The following FRMD1 variants were observed in gnomAD, a reference collection of about 807,000 sequenced individuals.
FRMD1 encodes the protein FERM domain containing 1, also known as FERM domain-containing protein 1.
In FRMD1, 51 loss-of-function variants were observed where a neutral mutation model predicts 54.9. The ratio of observed to expected loss-of-function variants is 0.93; its 90% CI spans 0.74 to 1.17. The LOEUF (loss-of-function observed/expected upper bound fraction) is 1.17, where lower values mean the gene tolerates loss of function less well. FRMD1 is among the 50% of genes most tolerant of loss of function. The pLI, the probability that FRMD1 is intolerant of heterozygous loss-of-function variation, is 0.00. For synonymous variants in FRMD1, 324 were observed against 306.4 expected, an observed-to-expected ratio of 1.06 and a Z score of -0.60; for missense variants, 729 against 743.0, an observed-to-expected ratio of 0.98 and a Z score of 0.22.
chr6:168,065,367 G>C, intron 4 of FRMD1: 1 of 1,152,338 alleles, frequency 8.7e-7, no homozygotes, highest in Non-Finnish European at 1.1e-6. Flanking sequence ...GTGCAGGAGA[G>C]GTGCACAGAG....
chr6:168,068,204 G>T (rs1391160746), intron 2 of FRMD1, among the ~76,000 whole-genome samples: 1 of 152,142 alleles, frequency 6.6e-6, no homozygotes, highest in Non-Finnish European at 1.5e-5. Flanking sequence ...AGCTTTACCT[G>T]TTAACCTGGT....
intron 3 of FRMD1, 45 bp downstream of exon 3, chr6:168,067,322 C>G: frequency 7.8e-7 from 1 of 1,279,984 alleles, no homozygotes; most frequent in Non-Finnish European, 1.1e-6. Context: ...CCCAGCACAG[C>G]CCACCGCGGT....
chr6:168,081,454 A>G, upstream of FRMD1: 1 of 1,535,286 alleles, frequency 6.5e-7, no homozygotes, highest in Non-Finnish European at 8.7e-7. Flanking sequence ...GAGGAAGAGG[A>G]GACCACCGCC....
chr6:168,059,300 G>A lies in FRMD1; in HGVS notation c.1343-112C>T, dbSNP rs1379534972. 8.2e-6 allele frequency: 7 copies of A among 852,920 alleles called. No individual in the cohort carries two copies. The East Asian group carries it at 1.9e-4, about 23-fold the overall frequency. The allele number at this position is 852,920 out of a possible 1,614,324, so 52.8% of individuals were successfully genotyped here. On this transcript the variant is annotated intron_variant, in intron 9 of 10. Transcript: ENST00000283309. This position sits in a 1 kb window ranked among gnomAD's most constrained non-coding sequence, Gnocchi z 4.4. ...CCCTGGTCTCGGACCGGCATCTCCT[G>A]AGGCTCACACCGCCCCCTTGCTCTC... is the stretch of plus-strand genomic sequence containing the variant.
upstream of FRMD1, chr6:168,081,976 C>T (rs1408763324): frequency 1.3e-5 from 2 of 155,610 alleles, no homozygotes; most frequent in Non-Finnish European, 2.8e-5. Context: ...AAAAAGCCTT[C>T]AAGATACGGC....
At chr6:168,074,653 A>G (rs1177821807) in intron 2 of FRMD1, among the ~76,000 whole-genome samples, 7 of 93,510 alleles carry the variant, frequency 7.5e-5, no homozygotes, top group East Asian at 3.5e-4. Context: ...GTGTGTGTGC[A>G]TGTGTGTGGT....
intron 4 of FRMD1, chr6:168,066,314 C>T: frequency 1.6e-6 from 1 of 630,218 alleles, no homozygotes; most frequent in African/African-American, 2.0e-5. Context: ...GCTTGACCAA[C>T]ACAGAGAAAC....
upstream of FRMD1, chr6:168,081,668 G>C (rs1344846177): frequency 3.1e-6 from 2 of 644,262 alleles, no homozygotes; most frequent in Non-Finnish European, 4.9e-6. Context: ...AAGGAAGGCA[G>C]AACTGACACA....
intron 1 of FRMD1, among the ~76,000 whole-genome samples, chr6:168,077,638 G>C (rs1161934047): frequency 6.6e-6 from 1 of 152,254 alleles, no homozygotes; most frequent in Non-Finnish European, 1.5e-5. Context: ...GCACTTCAGG[G>C]AGCTCCGTCA....
intron 1 of FRMD1, among the ~76,000 whole-genome samples, chr6:168,090,231 G>T (rs115478531): frequency 4.0e-5 from 6 of 151,838 alleles, no homozygotes; most frequent in Non-Finnish European, 8.8e-5. Flanking sequence ...TGCCCCCCAC[G>T]CTCTCAGCCC....
At chr6:168,069,423 C>T (rs772046964) in intron 2 of FRMD1, among the ~76,000 whole-genome samples, 10 of 152,322 alleles carry the variant, frequency 6.6e-5, no homozygotes, top group East Asian at 3.9e-4. Context: ...AAGCAAATGC[C>T]GAGTGAAAAG....
rs757522819 is a variant in FRMD1 at position 168,054,239 on chromosome 6, G to C, written c.*2858C>G. On this transcript the variant is annotated 3_prime_UTR_variant, in exon 11 of 11. Coordinates refer to ENST00000283309, the MANE Select transcript of FRMD1 (RefSeq NM_024919.6). ...CGAGACCCACAGAAGCAGACGCAGTGGGGGGCTGAGAAACCCAGCCTGAAC... is the reference window on the plus strand; with the variant it reads ...CGAGACCCACAGAAGCAGACGCAGTCGGGGGCTGAGAAACCCAGCCTGAAC... 2.0e-5 allele frequency: 3 copies of C among 152,224 alleles called. No individual in the cohort carries two copies. Among genetic ancestry groups the C allele is most frequent in the Non-Finnish European group, 2.9e-5 (2 of 68,084 alleles). The allele number at this position is 152,224 out of a possible 1,614,324, so 9.4% of individuals were successfully genotyped here.
At position 168,061,341 on chromosome 6, in the gene FRMD1, G is replaced by C. The variant is rs191031918; in HGVS notation, c.1046-284C>G. 2.4e-3 allele frequency among the ~76,000 whole-genome samples: 366 copies of C among 150,138 alleles called. 1 individual carries two copies. The highest frequency in any genetic ancestry group is 4.1e-3 in the Non-Finnish European group (275 of 67,572). On this transcript the variant is annotated intron_variant, in intron 8 of 10. Coordinates refer to ENST00000283309, the MANE Select transcript of FRMD1 (RefSeq NM_024919.6). ...AGGGAGACCAGGCCTGTGGGTAAAC[G>C]CTGAGGCCAGGTCTTGTGCTCAGGT... is the stretch of plus-strand genomic sequence containing the variant.
In FRMD1 at chr6:168,060,994, C is replaced by T; in HGVS notation, c.1109G>A (p.Ser370Asn). Reference protein sequence around the residue: ...DELELDLASRSFPGSGVSSQH... With the variant: ...DELELDLASRNFPGSGVSSQH... ...GCTGCTGACCCCACTGCCCGGGAAG[C>T]TCCTGCTGGCCAGGTCCAGCTCCAG... is the stretch of plus-strand genomic sequence containing the variant. Residue 370 changes from serine to asparagine, a missense_variant, in exon 9 of 11, where the codon AGC (serine) becomes AAC (asparagine). Transcript: ENST00000283309. 1 of 1,613,182 alleles carries T rather than the reference C, an allele frequency of 6.2e-7. No individual in the cohort carries two copies. The highest frequency in any genetic ancestry group is 8.5e-7 in the Non-Finnish European group (1 of 1,179,996).
intron 2 of FRMD1, among the ~76,000 whole-genome samples, chr6:168,068,151 T>C (rs1800138553): frequency 6.6e-6 from 1 of 152,172 alleles, no homozygotes; most frequent in South Asian, 2.1e-4. Context: ...TAGAGATGTC[T>C]ATAATCTAGT....
At chr6:168,077,349 C>T (rs997171054) in intron 1 of FRMD1, among the ~76,000 whole-genome samples, 1 of 151,260 alleles carries the variant, frequency 6.6e-6, no homozygotes, top group African/African-American at 2.4e-5. Context: ...TCCTGTCCAA[C>T]TGCAGACACA....
rs759949815 is a variant in FRMD1, at chr6:168,053,894, G to T, written c.*3203C>A. 8.0e-4 allele frequency: 122 copies of T among 152,338 alleles called. No individual in the cohort carries two copies. Among genetic ancestry groups the T allele is most frequent in the Non-Finnish European group, 1.5e-3 (99 of 68,084 alleles). The allele number at this position is 152,338 out of a possible 1,614,324, so 9.4% of individuals were successfully genotyped here. ...ACCCCGGCCTCCTCCTCCTGCTTGG[G>T]GTTCAGCCCAAGAGCAGAGCTTCTC... On this transcript the variant is annotated 3_prime_UTR_variant, in exon 11 of 11. Coordinates refer to ENST00000283309, the MANE Select transcript of FRMD1 (RefSeq NM_024919.6).
chr6:168,064,819 G>A, intron 5 of FRMD1, 52 bp downstream of exon 5: 2 of 1,512,724 alleles, frequency 1.3e-6, no homozygotes, highest in Non-Finnish European at 1.8e-6. Flanking sequence ...CCCGGTGGAG[G>A]TGGACAGGCA....
rs1799365923 is a variant in FRMD1 at position 168,055,448 on chromosome 6, A to T, written c.*1649T>A. ...TGGCTCAGACCCTGCTTCATGGTGGACACCACCTGCTGTGTCTCCCCAACA... is the reference window on the plus strand; with the variant it reads ...TGGCTCAGACCCTGCTTCATGGTGGTCACCACCTGCTGTGTCTCCCCAACA... On this transcript the variant is annotated 3_prime_UTR_variant, in exon 11 of 11. Coordinates refer to ENST00000283309, the MANE Select transcript of FRMD1 (RefSeq NM_024919.6). The T allele has an allele frequency of 6.6e-6, 1 of 152,256 alleles. No homozygotes were observed. Among genetic ancestry groups the T allele is most frequent in the African/African-American group, 2.4e-5 (1 of 41,392 alleles). 9.4% of individuals were successfully genotyped at this position (152,256 alleles called of 1,614,324 possible). A position where few individuals can be genotyped will look rare whatever the true frequency, so the allele number is the denominator to read the frequency against.
Sources: gnomAD v4.1 joint callset for allele counts (sites outside exome capture counted in the v4.1 genomes callset) on GRCh38, gnomAD v4.1.1 for gene constraint, Gnocchi (gnomAD v3.1) non-coding constraint, MANE v1.5 for transcripts, NCBI Gene and HGNC (gene_info 2026-07-23, HGNC 2026-07-21) for gene names.